PIEZO2: variants seen among roughly 807,000 people sequenced by gnomAD.
The protein encoded by PIEZO2 is piezo-type mechanosensitive ion channel component 2.
Under a neutral mutation model 337.3 loss-of-function variants are expected in PIEZO2, and 172 were observed. The observed-to-expected ratio is 0.51, with a 90% CI of 0.45 to 0.58. The LOEUF (loss-of-function observed/expected upper bound fraction) is 0.58, where lower values mean the gene tolerates loss of function less well. Ranked by LOEUF, PIEZO2 falls within the 20% of genes least tolerant of loss-of-function variation. The pLI, the probability that PIEZO2 is intolerant of heterozygous loss-of-function variation, is 0.00. For synonymous variants in PIEZO2, 1,251 were observed against 1,228.5 expected (o/e 1.02, Z -0.38); for missense variants, 3,028 against 3,391.3 (o/e 0.89, Z 2.66).
At chr18:10,793,052 G>T (rs1250248912) in intron 13 of PIEZO2, among the ~76,000 whole-genome samples, 1 of 152,108 alleles carries the variant, frequency 6.6e-6, no homozygotes, top group South Asian at 2.1e-4. Context: ...TCAGGAGATC[G>T]AGACCATCCT....
intron 49 of PIEZO2, among the ~76,000 whole-genome samples, chr18:10,684,626 G>A (rs1029392126): frequency 1.5e-4 from 23 of 151,622 alleles, no homozygotes; most frequent in African/African-American, 3.6e-4. Flanking sequence ...CACCACACCC[G>A]ACTAATTTTT....
rs796123105 is a variant in PIEZO2 at position 10,702,081 on chromosome 18, G to T, written c.6349C>A (p.Pro2117Thr). 1 of 1,536,978 alleles carries T rather than the reference G, an allele frequency of 6.5e-7. No individual in the cohort carries two copies. The highest frequency in any genetic ancestry group is 8.7e-7 in the Non-Finnish European group (1 of 1,146,808). ...EVNKDKPYHP[P>T]NIIGVEKKEG... ...TTCTTTTCCACTCCTATGATGTTTGGGGGGTGATACGGTTTATCTTTGTTC... is the reference window on the plus strand; with the variant it reads ...TTCTTTTCCACTCCTATGATGTTTGTGGGGTGATACGGTTTATCTTTGTTC... The change falls in exon 43 of 56, where the codon CCA becomes ACA. Residue 2117 changes from proline to threonine, a missense_variant. Around this residue, in one of 5 missense-constraint regions of PIEZO2, gnomAD observed 1,925 missense variants for 2,051.9 expected, o/e 0.94. Coordinates refer to ENST00000674853, the MANE Select transcript of PIEZO2 (RefSeq NM_001378183.1).
Position 11,099,428 on chromosome 18 carries a change from C to A in PIEZO2, c.65-33206G>T, listed in dbSNP as rs1380872313. Among the ~76,000 whole-genome samples the A allele has an allele frequency of 6.6e-6, 1 of 152,164 alleles. No homozygotes were observed. Among genetic ancestry groups the A allele is most frequent in the Non-Finnish European group, 1.5e-5 (1 of 68,036 alleles). On this transcript the variant is annotated intron_variant, in intron 1 of 55. Transcript: ENST00000674853. The surrounding 1 kb of genome is among the most constrained non-coding windows in gnomAD (Gnocchi z 5.4). Reference sequence around the variant, plus strand: ...TTTTTGTCGTTTGTTTTTCAACAGGCAAGATGTGGGTTCTTCTTAACATTT... The same window carrying A: ...TTTTTGTCGTTTGTTTTTCAACAGGAAAGATGTGGGTTCTTCTTAACATTT...
At chr18:10,826,671 T>C (rs2040686775) in intron 7 of PIEZO2, among the ~76,000 whole-genome samples, 1 of 152,246 alleles carries the variant, frequency 6.6e-6, no homozygotes, top group Non-Finnish European at 1.5e-5. Context: ...TGTCACAGTC[T>C]ACATTCCATT....
At chr18:10,919,787 T>A (rs2031266218) in intron 3 of PIEZO2, among the ~76,000 whole-genome samples, 1 of 152,158 alleles carries the variant, frequency 6.6e-6, no homozygotes, top group African/African-American at 2.4e-5. Context: ...TGGTTCTGAT[T>A]GGCAGTCTAT....
Position 10,762,948 on chromosome 18 carries a change from C to T in PIEZO2, c.3097G>A (p.Glu1033Lys), listed in dbSNP as rs2038199749. The T allele has an allele frequency of 1.3e-6, 2 of 1,537,112 alleles. No individual in the cohort carries two copies. Among genetic ancestry groups the T allele is most frequent in the Non-Finnish European group, 1.7e-6 (2 of 1,146,910 alleles). ...MLYQLQTIKP[E>K]NFSVNCSLPN... The stretch of plus-strand genomic sequence containing the variant: ...AAGGAACAGTTAACAGAGAAGTTCT[C>T]AGGCTTAATGGTTTGGAGCTGGTAC... The change falls in exon 22 of 56, where the codon GAG becomes AAG. Residue 1033 changes from glutamate (E) to lysine (K), a missense_variant. Physicochemically the swap from Glu to Lys is moderately conservative, Grantham distance 56 (BLOSUM62 1). Around this residue, in one of 5 missense-constraint regions of PIEZO2, gnomAD observed 1,925 missense variants for 2,051.9 expected, o/e 0.94. Transcript: ENST00000674853.
At chr18:11,103,782 T>G (rs1267725039) in intron 1 of PIEZO2, among the ~76,000 whole-genome samples, 1 of 142,910 alleles carries the variant, frequency 7.0e-6, no homozygotes, top group African/African-American at 2.9e-5. Context: ...AGACAGATGC[T>G]GGTCGTGTGT....
chr18:10,788,521 T>C (rs190887321), intron 15 of PIEZO2, among the ~76,000 whole-genome samples: 15 of 151,602 alleles, frequency 9.9e-5, no homozygotes, highest in Non-Finnish European at 1.8e-4. Flanking sequence ...TTTTGATCAA[T>C]AATTTTTGGA....
intron 7 of PIEZO2, among the ~76,000 whole-genome samples, chr18:10,845,651 T>C (rs2041335375): frequency 6.6e-6 from 1 of 152,112 alleles, no homozygotes; most frequent in South Asian, 2.1e-4. Context: ...AGGAGCCCCA[T>C]TTTCAAGACC....
intron 1 of PIEZO2, among the ~76,000 whole-genome samples, chr18:11,089,967 A>G (rs182065146): frequency 1.4e-4 from 22 of 152,306 alleles, no homozygotes; most frequent in African/African-American, 5.1e-4. Context: ...CAGAGAAGGG[A>G]AGAGCATAAG....
At position 11,033,032 on chromosome 18, in the gene PIEZO2, C is replaced by T; in HGVS notation, c.160+33095G>A. Among the ~76,000 whole-genome samples, 1 of 152,180 alleles carries T rather than the reference C, an allele frequency of 6.6e-6. No individual in the cohort carries two copies. On this transcript the variant is annotated intron_variant, in intron 2 of 55. Transcript: ENST00000674853. The surrounding 1 kb of genome is among the most constrained non-coding windows in gnomAD (Gnocchi z 4.2). The stretch of plus-strand genomic sequence containing the variant: ...AGGGCAAGCGTACAGAGACAGAGTT[C>T]CAGGGTCTGGTGGCACCCAGATAAT...
chr18:11,053,584 T>C (rs999956304), intron 2 of PIEZO2, among the ~76,000 whole-genome samples: 2 of 152,228 alleles, frequency 1.3e-5, no homozygotes, highest in African/African-American at 4.8e-5. Flanking sequence ...GATGGGCATG[T>C]TAGCCAATAT....
At chr18:10,995,131 C>A (rs1397957823) in intron 2 of PIEZO2, among the ~76,000 whole-genome samples, 1 of 148,082 alleles carries the variant, frequency 6.8e-6, no homozygotes, top group East Asian at 2.0e-4. Context: ...TCCATGCCAA[C>A]ATCTATTTTT....
At chr18:10,720,417 ATG>A (rs1428181185) in intron 36 of PIEZO2, among the ~76,000 whole-genome samples, 169 of 4,014 alleles carry the variant, frequency 0.042, no homozygotes, top group Non-Finnish European at 0.051. Context: ...GTGTATGTGT[ATG>A]TATATATATA....
intron 2 of PIEZO2, among the ~76,000 whole-genome samples, chr18:11,056,672 T>C (rs2037742713): frequency 6.6e-6 from 1 of 152,094 alleles, no homozygotes; most frequent in African/African-American, 2.4e-5. Flanking sequence ...GGCAGGGTCA[T>C]GAGAAGAGCT....
intron 1 of PIEZO2, among the ~76,000 whole-genome samples, chr18:11,137,847 A>T (rs1010956162): frequency 9.9e-5 from 15 of 152,256 alleles, no homozygotes; most frequent in African/African-American, 3.1e-4. Flanking sequence ...AAGAGAAAAC[A>T]GATCGATTTG....
At position 10,828,217 on chromosome 18, in the gene PIEZO2, G is replaced by C. The variant is rs2040738917; in HGVS notation, c.918-20943C>G. ...ACTTAGCTTCAAAGTTCAACAGTTTGAGACAGGATGTTGAAGTACTATTTG... is the reference window on the plus strand; with the variant it reads ...ACTTAGCTTCAAAGTTCAACAGTTTCAGACAGGATGTTGAAGTACTATTTG... On this transcript the variant is annotated intron_variant, in intron 7 of 55. Transcript: ENST00000674853. The surrounding 1 kb of genome is among the most constrained non-coding windows in gnomAD (Gnocchi z 4.1). Among the ~76,000 whole-genome samples the C allele has an allele frequency of 6.6e-6, 1 of 150,636 alleles. No individual in the cohort carries two copies. The highest frequency in any genetic ancestry group is 2.4e-5 in the African/African-American group (1 of 40,988).
chr18:10,859,528 T>C lies in PIEZO2; in HGVS notation c.493-2317A>G, dbSNP rs1412753911. 6.6e-6 allele frequency among the ~76,000 whole-genome samples: 1 copy of C among 152,254 alleles called. No individual in the cohort carries two copies. Among genetic ancestry groups the C allele is most frequent in the Non-Finnish European group, 1.5e-5 (1 of 68,046 alleles). On this transcript the variant is annotated intron_variant, in intron 5 of 55. Coordinates refer to ENST00000674853, the MANE Select transcript of PIEZO2 (RefSeq NM_001378183.1). The surrounding 1 kb of genome is among the most constrained non-coding windows in gnomAD (Gnocchi z 4.9). ...CAGGGAGAGAACAGCCCAGCCATCC[T>C]GGCTCTCTCTCCTGCATCACAATGT...
chr18:10,984,729 A>G (rs1044580614), intron 2 of PIEZO2, among the ~76,000 whole-genome samples: 1 of 152,126 alleles, frequency 6.6e-6, no homozygotes, highest in Non-Finnish European at 1.5e-5. Flanking sequence ...AAACATACAG[A>G]TCCAGGAAGC....
Sources: allele counts gnomAD v4.1 joint callset (sites outside exome capture counted in the v4.1 genomes callset), GRCh38; gene constraint gnomAD v4.1.1; regional missense constraint gnomAD v4.1.1; non-coding constraint Gnocchi (gnomAD v3.1); transcripts MANE v1.5; gene names NCBI Gene and HGNC (gene_info 2026-07-23, HGNC 2026-07-21).